CACNA1D: variants seen among roughly 807,000 people sequenced by gnomAD.
CACNA1D encodes voltage-dependent L-type calcium channel subunit alpha-1D.
CACNA1D carries 55 observed loss-of-function variants against 257.1 expected under a neutral mutation model. That is an observed-to-expected ratio of 0.21 (90% confidence interval 0.17 to 0.27). The LOEUF (loss-of-function observed/expected upper bound fraction) is 0.27, where lower values mean the gene tolerates loss of function less well. Ranked by LOEUF, CACNA1D falls within the 10% of genes least tolerant of loss-of-function variation. The pLI, the probability that CACNA1D is intolerant of heterozygous loss-of-function variation, is 1.00. For missense variants in CACNA1D, 1,876 were observed against 2,784.0 expected, an observed-to-expected ratio of 0.67 and a Z score of 7.34; for synonymous variants, 980 against 1,014.9, an observed-to-expected ratio of 0.97 and a Z score of 0.65.
chr3:53,721,028 G>A (rs2094877833), intron 11 of CACNA1D, among the ~76,000 whole-genome samples: 1 of 152,146 alleles, frequency 6.6e-6, no homozygotes, highest in African/African-American at 2.4e-5. Context: ...AATGTGAATG[G>A]GTAGACACAC....
At chr3:53,622,204 C>T (rs1234995451) in intron 3 of CACNA1D, among the ~76,000 whole-genome samples, 1 of 152,168 alleles carries the variant, frequency 6.6e-6, no homozygotes, top group Non-Finnish European at 1.5e-5. Context: ...GCGTAAGCCA[C>T]CATGCCTAAC....
chr3:53,751,695 C>T lies in CACNA1D; in HGVS notation c.3517-54C>T. The T allele has an allele frequency of 6.2e-7, 1 of 1,600,194 alleles. No homozygotes were observed. Among genetic ancestry groups the T allele is most frequent in the Non-Finnish European group, 8.6e-7 (1 of 1,167,744 alleles). ...TTTCAGAGCAGATGACCACGGGGTCCTCCTTCCCTGCAAGTGCTCAGAACC... is the reference window on the plus strand; with the variant it reads ...TTTCAGAGCAGATGACCACGGGGTCTTCCTTCCCTGCAAGTGCTCAGAACC... On this transcript the variant is annotated intron_variant, in intron 27 of 47. Coordinates refer to ENST00000350061, the MANE Select transcript of CACNA1D (RefSeq NM_001128840.3). The surrounding 1 kb of genome is among the most constrained non-coding windows in gnomAD (Gnocchi z 4.3).
intron 3 of CACNA1D, among the ~76,000 whole-genome samples, chr3:53,626,724 A>G (rs2093763777): frequency 6.6e-6 from 1 of 152,146 alleles, no homozygotes; most frequent in South Asian, 2.1e-4. Flanking sequence ...GCCTCAATTT[A>G]CCTATCTATA....
intron 3 of CACNA1D, among the ~76,000 whole-genome samples, chr3:53,586,180 G>T (rs1343258154): frequency 6.6e-6 from 1 of 152,116 alleles, no homozygotes; most frequent in Non-Finnish European, 1.5e-5. Flanking sequence ...ATGAGAGAAG[G>T]GGCTGGGGGA....
chr3:53,628,950 A>C (rs2093790884), intron 3 of CACNA1D, among the ~76,000 whole-genome samples: 1 of 152,232 alleles, frequency 6.6e-6, no homozygotes, highest in African/African-American at 2.4e-5. Context: ...CTGGCAGAGA[A>C]CTGAAAGCCA....
At chr3:53,681,946 T>C (rs2680672) in intron 8 of CACNA1D, among the ~76,000 whole-genome samples, 90,874 of 151,682 alleles carry the variant, frequency 0.6, 27,308 homozygotes, top group Middle Eastern at 0.69. Context: ...AGGAACTGAA[T>C]GAAGCTAGGG....
chr3:53,801,527 G>T (rs1576714788), intron 42 of CACNA1D, 102 bp downstream of exon 42: 2 of 1,463,504 alleles, frequency 1.4e-6, no homozygotes, highest in East Asian at 2.3e-5. Context: ...TCTGGGGCAT[G>T]GAGGAGGTTC....
intron 9 of CACNA1D, among the ~76,000 whole-genome samples, chr3:53,715,925 G>A (rs574924467): frequency 3.3e-5 from 5 of 152,320 alleles, no homozygotes; most frequent in Non-Finnish European, 5.9e-5. Context: ...ATAGTTGGCA[G>A]GGGGCCAGAA....
intron 3 of CACNA1D, among the ~76,000 whole-genome samples, chr3:53,587,684 C>T (rs1014121563): frequency 5.3e-5 from 8 of 152,172 alleles, no homozygotes; most frequent in Non-Finnish European, 8.8e-5. Flanking sequence ...TCGTCTTTCC[C>T]GTACTTCTTG....
At chr3:53,599,696 C>T (rs112898918) in intron 3 of CACNA1D, among the ~76,000 whole-genome samples, 1,806 of 152,264 alleles carry the variant, frequency 0.012, 48 homozygotes, top group African/African-American at 0.041. Flanking sequence ...AACACCATAC[C>T]GTACATGAAT....
intron 3 of CACNA1D, among the ~76,000 whole-genome samples, chr3:53,581,050 G>C (rs981241620): frequency 6.6e-6 from 1 of 152,298 alleles, no homozygotes; most frequent in Middle Eastern, 3.4e-3. Flanking sequence ...ATCCTGTCTC[G>C]CCCAGTCAGA....
Position 53,812,015 on chromosome 3 carries a change from T to C in CACNA1D, c.*609T>C, listed in dbSNP as rs1032720456. 6.6e-6 allele frequency: 1 copy of C among 152,538 alleles called. No individual in the cohort carries two copies. The highest frequency in any genetic ancestry group is 2.4e-5 in the African/African-American group (1 of 41,458). 9.4% of individuals were successfully genotyped at this position (152,538 alleles called of 1,614,324 possible). A position where few individuals can be genotyped will look rare whatever the true frequency, so the allele number is the denominator to read the frequency against. ...ACCTCATAAATAAGGTTTTCTGTGA[T>C]GTGACGCCAGTTTACATAAGAGAAT... On this transcript the variant is annotated 3_prime_UTR_variant, in exon 48 of 48. Coordinates refer to ENST00000350061, the MANE Select transcript of CACNA1D (RefSeq NM_001128840.3).
intron 3 of CACNA1D, among the ~76,000 whole-genome samples, chr3:53,547,768 C>G (rs1308808429): frequency 6.6e-6 from 1 of 152,182 alleles, no homozygotes; most frequent in Non-Finnish European, 1.5e-5. Context: ...GCAATTTTCA[C>G]TGAGACTGCA....
chr3:53,693,013 G>T (rs1163772628), intron 8 of CACNA1D, among the ~76,000 whole-genome samples: 1 of 152,222 alleles, frequency 6.6e-6, no homozygotes, highest in Non-Finnish European at 1.5e-5. Context: ...CTGCACTCCA[G>T]CCTGGGCAGC....
intron 40 of CACNA1D, among the ~76,000 whole-genome samples, chr3:53,788,866 G>A (rs3774601): frequency 0.27 from 41,334 of 152,020 alleles, 6,706 homozygotes; most frequent in Admixed American, 0.39. Flanking sequence ...GAGGCATGGC[G>A]GCCACTTGGA....
chr3:53,632,689 G>C (rs2093835214), intron 3 of CACNA1D, among the ~76,000 whole-genome samples: 1 of 152,152 alleles, frequency 6.6e-6, no homozygotes, highest in Non-Finnish European at 1.5e-5. Flanking sequence ...GCTGTTGTAG[G>C]GTTATTAATT....
chr3:53,794,231 A>G (rs1478254370), intron 40 of CACNA1D, among the ~76,000 whole-genome samples: 2 of 152,220 alleles, frequency 1.3e-5, no homozygotes, highest in African/African-American at 4.8e-5. Flanking sequence ...ATTTAGTACC[A>G]TTCACCTAGT....
chr3:53,653,327 A>G (rs570132051), intron 4 of CACNA1D, among the ~76,000 whole-genome samples: 10 of 152,326 alleles, frequency 6.6e-5, no homozygotes, highest in Admixed American at 5.2e-4. Flanking sequence ...GGAAGACAAC[A>G]AAATCCAGAC....
intron 8 of CACNA1D, among the ~76,000 whole-genome samples, chr3:53,683,337 A>G (rs1328906164): frequency 6.6e-6 from 1 of 152,240 alleles, no homozygotes; most frequent in African/African-American, 2.4e-5. Context: ...CAGAAACGCC[A>G]GGCTTTAGGG....
Sources: allele counts gnomAD v4.1 joint callset (sites outside exome capture counted in the v4.1 genomes callset), GRCh38; gene constraint gnomAD v4.1.1; non-coding constraint Gnocchi (gnomAD v3.1); transcripts MANE v1.5; gene names NCBI Gene and HGNC (gene_info 2026-07-23, HGNC 2026-07-21).